Variants in RABGAP1L observed in about 807,000 individuals in gnomAD.
The protein encoded by RABGAP1L is rab GTPase-activating protein 1-like.
In RABGAP1L, 63 loss-of-function variants were observed where a neutral mutation model predicts 137.7. That is an observed-to-expected ratio of 0.46 (90% CI 0.37 to 0.56). The LOEUF (loss-of-function observed/expected upper bound fraction) is 0.56. Among genes scored for constraint, RABGAP1L ranks in the 20% least tolerant of loss-of-function variants. The pLI is 0.00. For synonymous variants in RABGAP1L, 431 were observed against 433.7 expected, an observed-to-expected ratio of 0.99 and a Z score of 0.08; for missense variants, 1,095 against 1,244.0, an observed-to-expected ratio of 0.88 and a Z score of 1.80.
chr1:174,395,126 G>T (rs990631933), intron 13 of RABGAP1L, among the ~76,000 whole-genome samples: 1 of 152,082 alleles, frequency 6.6e-6, no homozygotes, highest in African/African-American at 2.4e-5. Flanking sequence ...TAGTACTGAG[G>T]CTTTATGAGG....
At chr1:174,783,171 A>G (rs920528324) in intron 18 of RABGAP1L, among the ~76,000 whole-genome samples, 8 of 152,018 alleles carry the variant, frequency 5.3e-5, no homozygotes, top group Non-Finnish European at 4.4e-5. Flanking sequence ...TGAGGCGCCC[A>G]TTGCCCCTCC....
chr1:174,522,589 A>G (rs1383664572), intron 13 of RABGAP1L, among the ~76,000 whole-genome samples: 1 of 152,154 alleles, frequency 6.6e-6, no homozygotes, highest in Non-Finnish European at 1.5e-5. Flanking sequence ...AAAAGAAAAA[A>G]GAAAAGAGAA....
At chr1:174,586,994 C>T (rs1024402663) in intron 13 of RABGAP1L, among the ~76,000 whole-genome samples, 7 of 151,172 alleles carry the variant, frequency 4.6e-5, no homozygotes, top group African/African-American at 1.2e-4. Context: ...TGAGAATATG[C>T]GGTGTTTGGT....
chr1:174,865,578 AT>A (rs58014834), intron 19 of RABGAP1L, among the ~76,000 whole-genome samples: 87,881 of 151,686 alleles, frequency 0.58, 27,740 homozygotes, highest in African/African-American at 0.85. Flanking sequence ...GATATCAGAG[AT>A]TTTTTTTTGT....
intron 13 of RABGAP1L, among the ~76,000 whole-genome samples, chr1:174,483,163 A>G (rs187774097): frequency 6.6e-6 from 1 of 152,136 alleles, no homozygotes; most frequent in Non-Finnish European, 1.5e-5. Context: ...AGTTGTTTTA[A>G]AATGTAGAAT....
chr1:174,618,633 C>T (rs572272264), intron 13 of RABGAP1L, among the ~76,000 whole-genome samples: 3 of 152,240 alleles, frequency 2.0e-5, no homozygotes, highest in Admixed American at 2.0e-4. Context: ...ACACCAAAAC[C>T]CCATCTATAC....
chr1:174,187,128 C>G (rs1281965079), intron 1 of RABGAP1L, among the ~76,000 whole-genome samples: 1 of 152,094 alleles, frequency 6.6e-6, no homozygotes, highest in Non-Finnish European at 1.5e-5. Flanking sequence ...TGGCCCAGAT[C>G]TTTTGAGGTC....
intron 19 of RABGAP1L, among the ~76,000 whole-genome samples, chr1:174,921,714 C>A (rs1196283805): frequency 6.6e-6 from 1 of 152,198 alleles, no homozygotes; most frequent in Non-Finnish European, 1.5e-5. Context: ...TGAACTTTAT[C>A]ATGTAGCATT....
intron 13 of RABGAP1L, among the ~76,000 whole-genome samples, chr1:174,454,551 ATTTTT>A (rs202016873): frequency 7.5e-6 from 1 of 132,844 alleles, no homozygotes. Context: ...TCACTGTAGG[ATTTTT>A]TTTTTTTTTT....
intron 1 of RABGAP1L, among the ~76,000 whole-genome samples, chr1:174,213,917 C>T (rs996753372): frequency 5.3e-5 from 8 of 152,190 alleles, no homozygotes; most frequent in African/African-American, 1.9e-4. Context: ...AGCCTTTTCT[C>T]TGAGATTGAT....
intron 5 of RABGAP1L, among the ~76,000 whole-genome samples, chr1:174,249,647 TTTC>T (rs991014803): frequency 2.0e-5 from 3 of 150,860 alleles, no homozygotes; most frequent in African/African-American, 7.3e-5. Context: ...TCTTTCTTTC[TTTC>T]TTTTTTTTTT....
intron 13 of RABGAP1L, among the ~76,000 whole-genome samples, chr1:174,617,630 A>G (rs554020840): frequency 5.3e-5 from 8 of 152,380 alleles, no homozygotes; most frequent in Admixed American, 1.3e-4. Context: ...AATGGCAATT[A>G]TATAACCTGA....
chr1:174,202,679 G>T (rs12092291), intron 1 of RABGAP1L, among the ~76,000 whole-genome samples: 9,665 of 151,960 alleles, frequency 0.064, 999 homozygotes, highest in African/African-American at 0.22. Context: ...GTCAATTTTG[G>T]CTTTTGTTGC....
At chr1:174,917,303 C>T (rs777274985) in intron 19 of RABGAP1L, among the ~76,000 whole-genome samples, 4 of 152,146 alleles carry the variant, frequency 2.6e-5, no homozygotes, top group Non-Finnish European at 4.4e-5. Context: ...CTTCCAATTA[C>T]ATCAGTATTA....
chr1:174,807,912 C>A (rs1048699558), intron 18 of RABGAP1L, among the ~76,000 whole-genome samples: 1 of 150,796 alleles, frequency 6.6e-6, no homozygotes, highest in Non-Finnish European at 1.5e-5. Context: ...GCCTGTGCAA[C>A]GTAGCGAGAC....
chr1:174,274,353 C>T (rs1052753314), intron 8 of RABGAP1L, among the ~76,000 whole-genome samples: 9 of 151,984 alleles, frequency 5.9e-5, no homozygotes, highest in Admixed American at 1.3e-4. Context: ...ACTTTAAGGT[C>T]GTCCCGTAAG....
At chr1:174,189,368 A>G (rs1198599045) in intron 1 of RABGAP1L, among the ~76,000 whole-genome samples, 1 of 152,214 alleles carries the variant, frequency 6.6e-6, no homozygotes, top group Non-Finnish European at 1.5e-5. Flanking sequence ...TAATGAAGCC[A>G]CATTTATCAA....
intron 19 of RABGAP1L, among the ~76,000 whole-genome samples, chr1:174,890,473 T>TTAGAGA (rs1191584342): frequency 6.6e-6 from 1 of 152,192 alleles, no homozygotes; most frequent in Non-Finnish European, 1.5e-5. Flanking sequence ...GTGGAGATAA[T>TTAGAGA]TAGAGATATT....
chr1:174,748,927 G>C lies in RABGAP1L; in HGVS notation c.2170-3386G>C, dbSNP rs931536873. On this transcript the variant is annotated intron_variant, in intron 17 of 25. Transcript: ENST00000681986. ...TGCGCTGGCTCACACATGTAATCCCGGCACTTTGGGAGGCCAAGACGGGCA... is the reference window on the plus strand; with the variant it reads ...TGCGCTGGCTCACACATGTAATCCCCGCACTTTGGGAGGCCAAGACGGGCA... Among the ~76,000 whole-genome samples, 10 of 151,080 alleles carry C rather than the reference G, an allele frequency of 6.6e-5. 1 individual carries two copies. Among genetic ancestry groups the C allele is most frequent in the African/African-American group, 2.4e-4 (10 of 41,084 alleles).
Sources: gnomAD v4.1 joint callset for allele counts (sites outside exome capture counted in the v4.1 genomes callset) on GRCh38, gnomAD v4.1.1 for gene constraint, MANE v1.5 for transcripts, NCBI Gene and HGNC (gene_info 2026-07-23, HGNC 2026-07-21) for gene names.